Variants in ATG5 observed in about 807,000 individuals in gnomAD.
ATG5 encodes autophagy related 5, also known as autophagy protein 5.
A neutral mutation model predicts 36.5 loss-of-function variants in ATG5; 14 were observed. The ratio of observed to expected loss-of-function variants is 0.38; its 90% CI spans 0.25 to 0.60. The LOEUF (loss-of-function observed/expected upper bound fraction) is 0.60. ATG5 is among the 20% of genes least tolerant of loss of function. The pLI is 0.60. For missense variants in ATG5, 195 were observed against 326.7 expected (o/e 0.60, Z 3.11); for synonymous variants, 95 against 101.5 (o/e 0.94, Z 0.38).
chr6:106,252,765 G>A (rs558012644), intron 5 of ATG5, among the ~76,000 whole-genome samples: 45 of 152,240 alleles, frequency 3.0e-4, no homozygotes, highest in Admixed American at 5.2e-4. Context: ...GCAGGAAACC[G>A]ATGAAATGGT....
chr6:106,205,387 G>A (rs1776591735), intron 6 of ATG5, among the ~76,000 whole-genome samples: 1 of 152,210 alleles, frequency 6.6e-6, no homozygotes, highest in African/African-American at 2.4e-5. Context: ...GAAATGTGAG[G>A]TGGCTTTGCT....
At chr6:106,210,754 C>T (rs1176179939) in intron 6 of ATG5, among the ~76,000 whole-genome samples, 1 of 152,136 alleles carries the variant, frequency 6.6e-6, no homozygotes, top group Admixed American at 6.5e-5. Flanking sequence ...ATTGTATCAT[C>T]TATAAAATGA....
intron 6 of ATG5, among the ~76,000 whole-genome samples, chr6:106,219,444 C>G (rs1273153163): frequency 6.6e-6 from 1 of 152,190 alleles, no homozygotes; most frequent in Non-Finnish European, 1.5e-5. Context: ...TCTGCAGATT[C>G]AACTAACCAT....
At chr6:106,254,302 T>C (rs970170682) in intron 5 of ATG5, among the ~76,000 whole-genome samples, 4 of 152,224 alleles carry the variant, frequency 2.6e-5, no homozygotes, top group Non-Finnish European at 4.4e-5. Flanking sequence ...TATCGTTACT[T>C]CAAATTATGC....
intron 5 of ATG5, among the ~76,000 whole-genome samples, chr6:106,265,450 A>G (rs1779192549): frequency 6.6e-6 from 1 of 152,206 alleles, no homozygotes; most frequent in Admixed American, 6.5e-5. Flanking sequence ...TCAACGAGAC[A>G]TAAAATTAAC....
intron 7 of ATG5, among the ~76,000 whole-genome samples, chr6:106,196,316 A>G (rs746747965): frequency 2.0e-5 from 3 of 152,198 alleles, no homozygotes; most frequent in Non-Finnish European, 2.9e-5. Context: ...TTTAAACTAA[A>G]CCAAAAAGTT....
rs1346620896 is a variant in ATG5, at chr6:106,294,447, T to C, written c.237-1341A>G. ...ATATGTTTATATATATAATTGTATA[T>C]ATAATTTATGCTTGCTTACTTGTAT... is the stretch of plus-strand genomic sequence containing the variant. On this transcript the variant is annotated intron_variant, in intron 3 of 7. Coordinates refer to ENST00000369076, the MANE Select transcript of ATG5 (RefSeq NM_004849.4). Among the ~76,000 whole-genome samples, 5 of 151,562 alleles carry C rather than the reference T, an allele frequency of 3.3e-5. No individual in the cohort carries two copies. The East Asian group carries it at 9.6e-4, about 29-fold the overall frequency.
intron 7 of ATG5, among the ~76,000 whole-genome samples, chr6:106,200,576 G>A (rs1469273266): frequency 1.3e-5 from 2 of 151,566 alleles, no homozygotes; most frequent in Admixed American, 6.6e-5. Context: ...GTGGGTTCAC[G>A]TCATTCTCCT....
At position 106,239,192 on chromosome 6, in the gene ATG5, G is replaced by A. The variant is rs1042731709; in HGVS notation, c.573+8958C>T. ...AAAAAAAGTTTGTAAAAACACAATA[G>A]GATGAGATTTTTGTTTTTCCAATGC... On this transcript the variant is annotated intron_variant, in intron 6 of 7. Transcript: ENST00000369076. Among the ~76,000 whole-genome samples, 11 of 151,742 alleles carry A rather than the reference G, an allele frequency of 7.2e-5. No individual in the cohort carries two copies. The Middle Eastern group carries it at 0.01, about 142-fold the overall frequency.
intron 4 of ATG5, among the ~76,000 whole-genome samples, chr6:106,292,721 C>T (rs1283769693): frequency 2.0e-5 from 3 of 152,132 alleles, no homozygotes; most frequent in Non-Finnish European, 4.4e-5. Flanking sequence ...GGGCTCACCT[C>T]GGCCTCCCAA....
At chr6:106,277,362 C>T (rs544327734) in intron 5 of ATG5, among the ~76,000 whole-genome samples, 1 of 152,260 alleles carries the variant, frequency 6.6e-6, no homozygotes. Flanking sequence ...AATTACAGGA[C>T]ATGCCCTCAC....
Position 106,293,022 on chromosome 6 carries a change from C to G in ATG5, c.315+6G>C, listed in dbSNP as rs368159136. 50 of 1,609,470 alleles carry G rather than the reference C, an allele frequency of 3.1e-5. No homozygotes were observed. In the African/African-American group the frequency reaches 6.1e-4, roughly 20 times the overall value. On this transcript the variant is annotated splice_donor_region_variant and intron_variant, in intron 4 of 7. Coordinates refer to ENST00000369076, the MANE Select transcript of ATG5 (RefSeq NM_004849.4). ...TGGGACGAAGGAGAAATGCAATTTA[C>G]TATACCTTAAAATGTACTGTGATGT... is the stretch of plus-strand genomic sequence containing the variant.
At chr6:106,233,331 G>T (rs949667770) in intron 6 of ATG5, among the ~76,000 whole-genome samples, 1 of 152,190 alleles carries the variant, frequency 6.6e-6, no homozygotes, top group Non-Finnish European at 1.5e-5. Flanking sequence ...GAAATAGCCA[G>T]ACCATTATAT....
intron 6 of ATG5, among the ~76,000 whole-genome samples, chr6:106,244,510 T>A (rs1778256101): frequency 6.6e-6 from 1 of 152,208 alleles, no homozygotes; most frequent in Non-Finnish European, 1.5e-5. Flanking sequence ...CTATCTTAAG[T>A]TCACCTATCT....
intron 5 of ATG5, among the ~76,000 whole-genome samples, chr6:106,252,921 T>C (rs776090474): frequency 3.3e-5 from 5 of 152,168 alleles, no homozygotes; most frequent in Non-Finnish European, 7.4e-5. Flanking sequence ...GAAAAGCAAA[T>C]GGCTGAAAAT....
chr6:106,287,512 C>T (rs1418081235), intron 4 of ATG5, among the ~76,000 whole-genome samples: 1 of 152,114 alleles, frequency 6.6e-6, no homozygotes, highest in Non-Finnish European at 1.5e-5. Context: ...GAGCTCTTAC[C>T]CTTAATCATT....
At chr6:106,254,649 C>T (rs967387352) in intron 5 of ATG5, among the ~76,000 whole-genome samples, 2 of 152,230 alleles carry the variant, frequency 1.3e-5, no homozygotes, top group Non-Finnish European at 2.9e-5. Context: ...AAGACACTTA[C>T]TGTGCCTGAC....
chr6:106,320,040 A>G (rs371615534), intron 1 of ATG5, among the ~76,000 whole-genome samples: 2 of 152,278 alleles, frequency 1.3e-5, no homozygotes, highest in Non-Finnish European at 2.9e-5. Flanking sequence ...ACACAAGCCT[A>G]TATGTTCCCA....
At chr6:106,234,846 G>T (rs760123917) in intron 6 of ATG5, among the ~76,000 whole-genome samples, 1 of 152,138 alleles carries the variant, frequency 6.6e-6, no homozygotes. Context: ...ACATGGAATG[G>T]GTTGCCGACT....
Sources: allele counts gnomAD v4.1 joint callset (sites outside exome capture counted in the v4.1 genomes callset), GRCh38; gene constraint gnomAD v4.1.1; transcripts MANE v1.5; gene names NCBI Gene and HGNC (gene_info 2026-07-23, HGNC 2026-07-21).